The following LPAR1 variants were observed in gnomAD, a reference collection of about 807,000 sequenced individuals.
The protein encoded by LPAR1 is LPA receptor 1.
In LPAR1, 5 loss-of-function variants were observed where a neutral mutation model predicts 23.8. That is an observed-to-expected ratio of 0.21 (90% CI 0.11 to 0.44). The LOEUF is 0.44. LPAR1 is among the 20% of genes least tolerant of loss of function. The pLI, the probability that LPAR1 is intolerant of heterozygous loss-of-function variation, is 0.99. For missense variants in LPAR1, 311 were observed against 482.8 expected, an observed-to-expected ratio of 0.64 and a Z score of 3.33; for synonymous variants, 160 against 164.7, an observed-to-expected ratio of 0.97 and a Z score of 0.22.
intron 2 of LPAR1, among the ~76,000 whole-genome samples, chr9:110,988,124 T>C (rs755446666): frequency 2.6e-5 from 4 of 151,912 alleles, no homozygotes; most frequent in Non-Finnish European, 5.9e-5. Flanking sequence ...TAGAACTTTA[T>C]ACACATTAAA....
chr9:111,005,172 A>AAAAAAAAAAAAAAC (rs2097192697), intron 2 of LPAR1, among the ~76,000 whole-genome samples: 1 of 151,688 alleles, frequency 6.6e-6, no homozygotes. Context: ...AAAAAAAAAA[A>AAAAAAAAAAAAAAC]AAAGTTCTCT....
intron 2 of LPAR1, among the ~76,000 whole-genome samples, chr9:111,004,713 G>A (rs553573117): frequency 8.5e-5 from 13 of 152,176 alleles, no homozygotes; most frequent in African/African-American, 3.1e-4. Context: ...TTACCCCCAA[G>A]CTCTGTACTT....
At chr9:110,934,343 A>T (rs1485802657) in intron 5 of LPAR1, 1 of 152,002 alleles carries the variant, frequency 6.6e-6, no homozygotes, top group African/African-American at 2.4e-5. Context: ...GATCCTTTAT[A>T]CACTCGCCAC....
At chr9:110,982,134 T>TA (rs1272379266) in intron 2 of LPAR1, among the ~76,000 whole-genome samples, 6 of 152,062 alleles carry the variant, frequency 3.9e-5, no homozygotes, top group Non-Finnish European at 8.8e-5. Context: ...GGTATACACC[T>TA]AAAAGATTAT....
In LPAR1 at chr9:110,873,992, C is replaced by A. The variant is rs1454969742; in HGVS notation, c.*1429G>T. 7 of 152,628 alleles carry A rather than the reference C, an allele frequency of 4.6e-5. No homozygotes were observed. Among genetic ancestry groups the A allele is most frequent in the Admixed American group, 4.6e-4 (7 of 15,270 alleles). 9.5% of individuals were successfully genotyped at this position (152,628 alleles called of 1,614,324 possible). A position where few individuals can be genotyped will look rare whatever the true frequency, so the allele number is the denominator to read the frequency against. On this transcript the variant is annotated 3_prime_UTR_variant, in exon 6 of 6. Transcript: ENST00000683809. ...TCACTCTCAACTGAAGTGACCACTG[C>A]ATTTCTTTTGTAAAAAGGTCATTTG...
intron 5 of LPAR1, among the ~76,000 whole-genome samples, chr9:110,922,815 C>CTTA (rs1438681404): frequency 1.1e-5 from 1 of 94,140 alleles, no homozygotes; most frequent in African/African-American, 4.1e-5. Flanking sequence ...TTTTCAAGGT[C>CTTA]TTATTATTAT....
At chr9:110,999,410 T>C (rs1463581638) in intron 2 of LPAR1, 3 of 455,978 alleles carry the variant, frequency 6.6e-6, no homozygotes, top group Non-Finnish European at 1.3e-5. Context: ...TCCAGAACAC[T>C]GGAATGAGCA....
In LPAR1 at chr9:110,941,815, C is replaced by T. The variant is rs763184991; in HGVS notation, c.399G>A (p.Thr133=). Residue 133 remains threonine (T), a synonymous_variant, in exon 5 of 6, where the codon ACG becomes ACA. Coordinates refer to ENST00000683809, the MANE Select transcript of LPAR1 (RefSeq NM_001351411.2). This position sits in a 1 kb window ranked among gnomAD's most constrained non-coding sequence, Gnocchi z 6.1. ...TAGCCAGTAAGTTGGCCACAGATGC[C>T]GTCAGGCTGGTGTCAATGAGGCCCT... The part of the protein sequence containing the change: ...LRQGLIDTSL[T]ASVANLLAIA... The T allele has an allele frequency of 3.7e-6, 6 of 1,614,046 alleles. No homozygotes were observed. Among genetic ancestry groups the T allele is most frequent in the South Asian group, 2.2e-5 (2 of 91,084 alleles).
At chr9:111,021,168 G>C (rs1192706714) in intron 2 of LPAR1, among the ~76,000 whole-genome samples, 1 of 152,118 alleles carries the variant, frequency 6.6e-6, no homozygotes, top group African/African-American at 2.4e-5. Context: ...TGGTCAAAGG[G>C]TACAAACTTC....
chr9:110,935,325 T>C (rs2094626975), intron 5 of LPAR1, among the ~76,000 whole-genome samples: 1 of 152,080 alleles, frequency 6.6e-6, no homozygotes, highest in South Asian at 2.1e-4. Context: ...TCTCGGTCTC[T>C]TCATTTGTAA....
intron 4 of LPAR1, among the ~76,000 whole-genome samples, chr9:110,958,418 A>C (rs2095834841): frequency 6.6e-6 from 1 of 152,194 alleles, no homozygotes; most frequent in Admixed American, 6.5e-5. Context: ...ACACAGAAAT[A>C]AATCCCTGTA....
chr9:110,891,656 A>T (rs553190367), intron 5 of LPAR1, among the ~76,000 whole-genome samples: 8 of 152,338 alleles, frequency 5.3e-5, no homozygotes, highest in African/African-American at 1.9e-4. Context: ...GGGGTGAGGG[A>T]GGGATATAAA....
At chr9:110,923,542 AG>A (rs2093788050) in intron 5 of LPAR1, among the ~76,000 whole-genome samples, 1 of 152,234 alleles carries the variant, frequency 6.6e-6, no homozygotes, top group African/African-American at 2.4e-5. Context: ...GGATAGGCTA[AG>A]CTATGATGTT....
In LPAR1 at chr9:110,995,935, G is replaced by A. The variant is rs1198748641; in HGVS notation, c.-181-22377C>T. 2.6e-5 allele frequency among the ~76,000 whole-genome samples: 4 copies of A among 152,098 alleles called. No homozygotes were observed. In the East Asian group the frequency reaches 7.7e-4, roughly 29 times the overall value. The stretch of plus-strand genomic sequence containing the variant: ...AAATAATGGCTGAAGTCTTTTATCA[G>A]GAAAGCAGTAGAAAATGGAAGGGAA... On this transcript the variant is annotated intron_variant, in intron 2 of 5. Coordinates refer to ENST00000683809, the MANE Select transcript of LPAR1 (RefSeq NM_001351411.2).
At chr9:111,013,444 C>T (rs1432627218) in intron 2 of LPAR1, among the ~76,000 whole-genome samples, 2 of 152,090 alleles carry the variant, frequency 1.3e-5, no homozygotes, top group African/African-American at 4.8e-5. Flanking sequence ...TCCTAATTGC[C>T]CATTATAAGC....
At chr9:110,966,481 GAA>G (rs766143422) in intron 4 of LPAR1, among the ~76,000 whole-genome samples, 3 of 79,342 alleles carry the variant, frequency 3.8e-5, no homozygotes, top group African/African-American at 9.7e-5. Context: ...TCCATCTCAA[GAA>G]AAAAAAAAAA....
chr9:110,942,475 A>T (rs531631706), intron 4 of LPAR1, among the ~76,000 whole-genome samples: 1 of 152,346 alleles, frequency 6.6e-6, no homozygotes, highest in South Asian at 2.1e-4. Flanking sequence ...AATACATGAG[A>T]CAGACAAAAA....
intron 5 of LPAR1, among the ~76,000 whole-genome samples, chr9:110,887,383 G>A (rs1162045971): frequency 6.6e-6 from 1 of 151,844 alleles, no homozygotes. Context: ...CAAAAGACAT[G>A]AAAAGAAGAA....
intron 2 of LPAR1, among the ~76,000 whole-genome samples, chr9:111,025,619 C>A (rs779410143): frequency 2.0e-5 from 3 of 152,144 alleles, no homozygotes; most frequent in African/African-American, 7.2e-5. Context: ...GAAGTCTTTG[C>A]CCATGCCTGT....
Sources: gnomAD v4.1 joint callset for allele counts (sites outside exome capture counted in the v4.1 genomes callset) on GRCh38, gnomAD v4.1.1 for gene constraint, Gnocchi (gnomAD v3.1) non-coding constraint, MANE v1.5 for transcripts, NCBI Gene and HGNC (gene_info 2026-07-23, HGNC 2026-07-21) for gene names.